Variants in TP53I3 observed in about 807,000 individuals in gnomAD.
The protein encoded by TP53I3 is tumor protein p53 inducible protein 3, also known as quinone oxidoreductase PIG3.
In TP53I3, 32 loss-of-function variants were observed where a neutral mutation model predicts 27.7. The ratio of observed to expected loss-of-function variants is 1.16; its 90% confidence interval spans 0.87 to 1.55. The LOEUF (loss-of-function observed/expected upper bound fraction) is 1.55. Among genes scored for constraint, TP53I3 ranks in the 40% most tolerant of loss-of-function variants. The pLI, the probability that TP53I3 is intolerant of heterozygous loss-of-function variation, is 0.00. For synonymous variants in TP53I3, 138 were observed against 167.8 expected (o/e 0.82, Z 1.37); for missense variants, 372 against 412.3 (o/e 0.90, Z 0.85).
rs749318875 is a variant in TP53I3 at position 24,084,222 on chromosome 2, C to T, written c.105G>A (p.Ala35=). 1.5e-5 allele frequency: 25 copies of T among 1,613,750 alleles called. No individual in the cohort carries two copies. Among genetic ancestry groups the T allele is most frequent in the South Asian group, 1.1e-5 (1 of 91,072 alleles). ...AGTCCGCCCGGTTCAGGGCGCTGGCCGCCACCTTCAGGAGGACTTCACCCT... is the reference window on the plus strand; with the variant it reads ...AGTCCGCCCGGTTCAGGGCGCTGGCTGCCACCTTCAGGAGGACTTCACCCT... The part of the protein sequence containing the change: ...PGEGEVLLKV[A]ASALNRADLM... Residue 35 remains alanine, a synonymous_variant, in exon 1 of 5, where the codon GCG becomes GCA. Coordinates refer to ENST00000238721, the MANE Select transcript of TP53I3 (RefSeq NM_004881.5). This position sits in a 1 kb window ranked among gnomAD's most constrained non-coding sequence, Gnocchi z 8.4.
chr2:24,083,836 C>T (rs957966630), intron 1 of TP53I3, among the ~76,000 whole-genome samples: 3 of 152,084 alleles, frequency 2.0e-5, no homozygotes, highest in Non-Finnish European at 2.9e-5. Context: ...CGGCCTTGGG[C>T]GTACTGCTTA....
intron 2 of TP53I3, among the ~76,000 whole-genome samples, 158 bp downstream of exon 2, chr2:24,082,727 C>T (rs547330852): frequency 9.2e-5 from 14 of 152,308 alleles, no homozygotes; most frequent in African/African-American, 3.4e-4. Flanking sequence ...TGATTCTCAG[C>T]CTCAACATTA....
chr2:24,082,904 G>A lies in TP53I3; in HGVS notation c.387C>T (p.Phe129=), dbSNP rs770801239. The change falls in exon 2 of 5, where the codon TTC becomes TTT. Residue 129 remains phenylalanine (F), a synonymous_variant. Coordinates refer to ENST00000238721, the MANE Select transcript of TP53I3 (RefSeq NM_004881.5). ...CCTCACCCACAAGATGTAACAGCTG[G>A]AAGGCGGTGAGCCAGGCCTCTGGGA... ...AAIPEAWLTA[F]QLLHLVGNVQ... The A allele has an allele frequency of 1.3e-5, 21 of 1,610,058 alleles. No individual in the cohort carries two copies. Among genetic ancestry groups the A allele is most frequent in the Admixed American group, 1.2e-4 (7 of 59,860 alleles).
At chr2:24,082,733 C>T (rs1237867597) in intron 2 of TP53I3, 152 bp downstream of exon 2, 1 of 1,118,592 alleles carries the variant, frequency 8.9e-7, no homozygotes, top group African/African-American at 1.6e-5. Flanking sequence ...TCAGCCTCAA[C>T]ATTAAACCCT....
At chr2:24,079,721 T>A in intron 3 of TP53I3, 81 bp from the exon 4 acceptor site, 1 of 1,331,420 alleles carries the variant, frequency 7.5e-7, no homozygotes, top group Non-Finnish European at 1.1e-6. Flanking sequence ...ATTATGGATA[T>A]AAATACAGAT....
chr2:24,081,006 CACA>C lies in TP53I3; in HGVS notation c.429_431del (p.Tyr143_Val144delinsTer). On this transcript the variant is annotated stop_gained and inframe_deletion, in exon 3 of 5. Coordinates refer to ENST00000238721, the MANE Select transcript of TP53I3 (RefSeq NM_004881.5). LOFTEE classifies it high-confidence loss of function. ...CACCACTCAGTCCTGCATGGATTAG[CACA>C]TAGTCTCCAGCCTGAACATTTCCTG... 6.2e-7 allele frequency: 1 copy of C among 1,614,116 alleles called. No homozygotes were observed. The highest frequency in any genetic ancestry group is 1.7e-5 in the Admixed American group (1 of 60,018).
Position 24,084,395 on chromosome 2 carries a change from G to T in TP53I3, c.-69C>A. 6.7e-7 allele frequency: 1 copy of T among 1,488,344 alleles called. No individual in the cohort carries two copies. The highest frequency in any genetic ancestry group is 1.4e-5 in the African/African-American group (1 of 72,170). 92.2% of individuals were successfully genotyped at this position (1,488,344 alleles called of 1,614,324 possible). On this transcript the variant is annotated 5_prime_UTR_variant, in exon 1 of 5. Coordinates refer to ENST00000238721, the MANE Select transcript of TP53I3 (RefSeq NM_004881.5). This position sits in a 1 kb window ranked among gnomAD's most constrained non-coding sequence, Gnocchi z 8.4. ...GCAGGGCAGGGCAGGACAGGACAGGGCAGGGCAGGACAGGACAGGGCAGGG... is the reference window on the plus strand; with the variant it reads ...GCAGGGCAGGGCAGGACAGGACAGGTCAGGGCAGGACAGGACAGGGCAGGG...
At chr2:24,082,369 C>T (rs1296274717) in intron 2 of TP53I3, among the ~76,000 whole-genome samples, 1 of 152,222 alleles carries the variant, frequency 6.6e-6, no homozygotes, top group Non-Finnish European at 1.5e-5. Flanking sequence ...AGCCTTCTGA[C>T]TACCCTTGTC....
rs1380621060 is a variant in TP53I3, at chr2:24,084,515, G to C, written c.-189C>G. Reference sequence around the variant, plus strand: ...CGCTGCCCTGGTCTGCCGCGGACCCGGCCTCCGCCCCGAGCTCCTGCCTGG... The same window carrying C: ...CGCTGCCCTGGTCTGCCGCGGACCCCGCCTCCGCCCCGAGCTCCTGCCTGG... On this transcript the variant is annotated 5_prime_UTR_variant, in exon 1 of 5. Coordinates refer to ENST00000238721, the MANE Select transcript of TP53I3 (RefSeq NM_004881.5). This position sits in a 1 kb window ranked among gnomAD's most constrained non-coding sequence, Gnocchi z 8.4. The C allele has an allele frequency of 9.2e-6, 7 of 759,120 alleles. No individual in the cohort carries two copies. The highest frequency in any genetic ancestry group is 1.2e-5 in the Non-Finnish European group (6 of 514,506). The allele number at this position is 759,120 out of a possible 1,614,324, so 47.0% of individuals were successfully genotyped here.
At position 24,084,621 on chromosome 2, in the gene TP53I3, G is replaced by A. The variant is rs33927256; in HGVS notation, c.-295C>T. ...GGAAGTGGGATGGCGGTACAGGGCT[G>A]GATGCGGCAGAGCAGGACAACGCCG... On this transcript the variant is annotated 5_prime_UTR_variant, in exon 1 of 5. Coordinates refer to ENST00000238721, the MANE Select transcript of TP53I3 (RefSeq NM_004881.5). The surrounding 1 kb of genome is among the most constrained non-coding windows in gnomAD (Gnocchi z 8.4). 4.4e-4 allele frequency: 156 copies of A among 357,094 alleles called. 1 individual carries two copies. The highest frequency in any genetic ancestry group is 3.0e-3 in the African/African-American group (139 of 46,742). The allele number at this position is 357,094 out of a possible 1,614,324, so 22.1% of individuals were successfully genotyped here. A position where few individuals can be genotyped will look rare whatever the true frequency, so the allele number is the denominator to read the frequency against.
At position 24,084,179 on chromosome 2, in the gene TP53I3, C is replaced by G; in HGVS notation, c.138+10G>C. The G allele has an allele frequency of 4.4e-6, 7 of 1,607,646 alleles. No individual in the cohort carries two copies. Among genetic ancestry groups the G allele is most frequent in the Non-Finnish European group, 5.9e-6 (7 of 1,177,806 alleles). On this transcript the variant is annotated intron_variant, in intron 1 of 4. Transcript: ENST00000238721. This position sits in a 1 kb window ranked among gnomAD's most constrained non-coding sequence, Gnocchi z 8.4. ...TCCCGCCCGCCCCGGCGCGGCTGAGCCCTGGGTACCTGCATTAAGTCCGCC... is the reference window on the plus strand; with the variant it reads ...TCCCGCCCGCCCCGGCGCGGCTGAGGCCTGGGTACCTGCATTAAGTCCGCC...
chr2:24,083,936 T>C (rs1052698399), intron 1 of TP53I3, among the ~76,000 whole-genome samples: 1 of 152,110 alleles, frequency 6.6e-6, no homozygotes, highest in African/African-American at 2.4e-5. Context: ...CCCACAACAA[T>C]GTTAGTTCCG....
intron 2 of TP53I3, among the ~76,000 whole-genome samples, chr2:24,082,254 G>A (rs764051427): frequency 2.0e-5 from 3 of 152,188 alleles, no homozygotes; most frequent in African/African-American, 4.8e-5. Context: ...AAAGTGCTAC[G>A]ATTATAGGTG....
At chr2:24,081,686 T>TA (rs939710060) in intron 2 of TP53I3, among the ~76,000 whole-genome samples, 12 of 147,442 alleles carry the variant, frequency 8.1e-5, no homozygotes, top group African/African-American at 2.9e-4. Context: ...CTCACCTTGA[T>TA]ACTGTTTTTT....
In TP53I3 at chr2:24,083,119, T is replaced by C. The variant is rs1253018156; in HGVS notation, c.172A>G (p.Ser58Gly). The C allele has an allele frequency of 6.2e-7, 1 of 1,613,606 alleles. No homozygotes were observed. Residue 58 changes from serine (S) to glycine (G), a missense_variant, in exon 2 of 5, where the codon AGC becomes GGC. Coordinates refer to ENST00000238721, the MANE Select transcript of TP53I3 (RefSeq NM_004881.5). ...QGQYDPPPGA[S>G]NILGLEASGH... is the part of the protein sequence containing the mutation. ...GATGCCTCAAGTCCCAAAATGTTGC[T>C]GGCTCCTGGAGGTGGGTCATACTGG...
Position 24,083,006 on chromosome 2 carries a change from C to G in TP53I3, c.285G>C (p.Gln95His). 1 of 1,614,162 alleles carries G rather than the reference C, an allele frequency of 6.2e-7. No homozygotes were observed. Among genetic ancestry groups the G allele is most frequent in the Non-Finnish European group, 8.5e-7 (1 of 1,180,016 alleles). The change falls in exon 2 of 5, where the codon CAG becomes CAC. Residue 95 changes from glutamine to histidine, a missense_variant. Transcript: ENST00000238721. Reference sequence around the variant, plus strand: ...CTTCGGGGACAGTGACGTACTGAGCCTGGCCCCCACCGGGGAGCAGAGCCA... The same window carrying G: ...CTTCGGGGACAGTGACGTACTGAGCGTGGCCCCCACCGGGGAGCAGAGCCA... ...TAMALLPGGGQAQYVTVPEGL... is the reference protein window; with the variant it reads ...TAMALLPGGGHAQYVTVPEGL...
At position 24,082,933 on chromosome 2, in the gene TP53I3, C is replaced by G. The variant is rs751143927; in HGVS notation, c.358G>C (p.Ala120Pro). The change falls in exon 2 of 5, where the codon GCC (alanine) becomes CCC (proline). Residue 120 changes from alanine (A) to proline (P), a missense_variant. Transcript: ENST00000238721. The stretch of plus-strand genomic sequence containing the variant: ...GCGGTGAGCCAGGCCTCTGGGATGG[C>G]TGCAGCCTGGGTCAGGGTCAATCCC... ...PEGLTLTQAA[A>P]IPEAWLTAFQ... is the part of the protein sequence containing the mutation. 1 of 1,613,256 alleles carries G rather than the reference C, an allele frequency of 6.2e-7. No individual in the cohort carries two copies. Among genetic ancestry groups the G allele is most frequent in the African/African-American group, 1.3e-5 (1 of 74,922 alleles).
At chr2:24,081,657 A>G (rs1665006549) in intron 2 of TP53I3, among the ~76,000 whole-genome samples, 1 of 151,216 alleles carries the variant, frequency 6.6e-6, no homozygotes, top group African/African-American at 2.4e-5. Context: ...ATCCTTCACT[A>G]CTGAGTGCAG....
In TP53I3 at chr2:24,079,478, A is replaced by C; in HGVS notation, c.782T>G (p.Leu261Arg). The C allele has an allele frequency of 6.2e-7, 1 of 1,614,212 alleles. No individual in the cohort carries two copies. The highest frequency in any genetic ancestry group is 8.5e-7 in the Non-Finnish European group (1 of 1,180,042). The change falls in exon 4 of 5, where the codon CTG becomes CGG. Residue 261 changes from leucine (L) to arginine (R), a missense_variant. Transcript: ENST00000238721. ...CCTAGACCTCAGCAAACTGGTGATCAGACTTCCTCGCTTAAAAAGTAGCTT... is the reference window on the plus strand; with the variant it reads ...CCTAGACCTCAGCAAACTGGTGATCCGACTTCCTCGCTTAAAAAGTAGCTT... ...FSKLLFKRGS[L>R]ITSLLRSRDN... is the part of the protein sequence containing the mutation.
Sources: gnomAD v4.1 joint callset for allele counts (sites outside exome capture counted in the v4.1 genomes callset) on GRCh38, gnomAD v4.1.1 for gene constraint, Gnocchi (gnomAD v3.1) non-coding constraint, MANE v1.5 for transcripts, NCBI Gene and HGNC (gene_info 2026-07-23, HGNC 2026-07-21) for gene names.